Variants in EXTL3 observed in about 807,000 individuals in gnomAD.
EXTL3 encodes exostosin-like 3.
Under a neutral mutation model 69.3 loss-of-function variants are expected in EXTL3, and 27 were observed. That is an observed-to-expected ratio of 0.39 (90% CI 0.29 to 0.54). The LOEUF (loss-of-function observed/expected upper bound fraction) is 0.54, where lower values mean the gene tolerates loss of function less well. EXTL3 is among the 20% of genes least tolerant of loss of function. EXTL3 has a pLI of 0.69. For synonymous variants in EXTL3, 511 were observed against 499.4 expected (o/e 1.02, Z -0.31); for missense variants, 1,003 against 1,231.8 (o/e 0.81, Z 2.78).
chr8:28,716,183 T>G lies in EXTL3; in HGVS notation c.124T>G (p.Phe42Val), dbSNP rs760566359. The G allele has an allele frequency of 7.4e-6, 12 of 1,614,082 alleles. No homozygotes were observed. The highest frequency in any genetic ancestry group is 9.3e-6 in the Non-Finnish European group (11 of 1,180,050). The change falls in exon 3 of 7, where the codon TTC (phenylalanine) becomes GTC (valine). Residue 42 changes from phenylalanine (F) to valine (V), a missense_variant. Physicochemically the swap from Phe to Val is conservative, Grantham distance 50 (BLOSUM62 -1). Around this residue, in one of 2 missense-constraint regions of EXTL3, gnomAD observed 742 missense variants for 815.4 expected, o/e 0.91. Coordinates refer to ENST00000220562, the MANE Select transcript of EXTL3 (RefSeq NM_001440.4). The surrounding 1 kb of genome is among the most constrained non-coding windows in gnomAD (Gnocchi z 7.1). Reference protein sequence around the residue: ...LSFTLFVILVFFPLIAHYYLT... With the variant: ...LSFTLFVILVVFPLIAHYYLT... ...CTTCACGCTCTTTGTCATCCTGGTC[T>G]TCTTCCCGCTCATCGCCCACTATTA...
chr8:28,695,385 C>A (rs1800670895), intron 1 of EXTL3, among the ~76,000 whole-genome samples: 1 of 152,110 alleles, frequency 6.6e-6, no homozygotes, highest in African/African-American at 2.4e-5. Context: ...CCTCGGCCTC[C>A]TAAAGTGCTG....
chr8:28,732,932 A>G (rs896958721), intron 4 of EXTL3, among the ~76,000 whole-genome samples: 7 of 152,094 alleles, frequency 4.6e-5, no homozygotes, highest in Admixed American at 1.3e-4. Flanking sequence ...GGGTTTCACC[A>G]TGTTGCCCAG....
In EXTL3 at chr8:28,717,158, A is replaced by G; in HGVS notation, c.1099A>G (p.Met367Val). ...GGAGGCCCGCTCCTTCGAAGAGGAA[A>G]TGGAGGGCGACCCTCCCGCCGACTA... ...LQEARSFEEEMEGDPPADYDD... is the reference protein window; with the variant it reads ...LQEARSFEEEVEGDPPADYDD... The change falls in exon 3 of 7, where the codon ATG becomes GTG. Residue 367 changes from methionine (M) to valine (V), a missense_variant. By Grantham distance (21) the Met-to-Val change is conservative. This residue lies in a region of EXTL3 where 742 missense variants were observed against 815.4 expected (regional missense o/e 0.91). Coordinates refer to ENST00000220562, the MANE Select transcript of EXTL3 (RefSeq NM_001440.4). The surrounding 1 kb of genome is among the most constrained non-coding windows in gnomAD (Gnocchi z 8.3). 11 of 1,614,240 alleles carry G rather than the reference A, an allele frequency of 6.8e-6. No homozygotes were observed. Among genetic ancestry groups the G allele is most frequent in the Non-Finnish European group, 9.3e-6 (11 of 1,180,052 alleles).
At chr8:28,646,008 G>A (rs1375658360) in intron 1 of EXTL3, among the ~76,000 whole-genome samples, 2 of 151,606 alleles carry the variant, frequency 1.3e-5, no homozygotes, top group Non-Finnish European at 2.9e-5. Flanking sequence ...GACCACAGGC[G>A]TGCGCCACCA....
chr8:28,732,142 T>C (rs1487657614), intron 4 of EXTL3, among the ~76,000 whole-genome samples: 1 of 152,114 alleles, frequency 6.6e-6, no homozygotes, highest in Admixed American at 6.6e-5. Context: ...CTCTCCTGCC[T>C]TCTTGAGTCT....
At chr8:28,688,060 C>CTTTTTTTT (rs149041444) in intron 1 of EXTL3, among the ~76,000 whole-genome samples, 1 of 131,946 alleles carries the variant, frequency 7.6e-6, no homozygotes. Flanking sequence ...GAAGAGATGA[C>CTTTTTTTT]TTTTTTTTTT....
At chr8:28,668,324 CT>C (rs71549687) in intron 1 of EXTL3, among the ~76,000 whole-genome samples, 1,603 of 82,540 alleles carry the variant, frequency 0.019, 1 homozygote, top group South Asian at 0.04. Flanking sequence ...AGAGTTGTTA[CT>C]TTTTTTTTTT....
At chr8:28,708,221 A>T (rs1244288358) in intron 1 of EXTL3, among the ~76,000 whole-genome samples, 1 of 152,180 alleles carries the variant, frequency 6.6e-6, no homozygotes, top group African/African-American at 2.4e-5. Flanking sequence ...AGGCACAACC[A>T]GTTTTTCACA....
intron 6 of EXTL3, among the ~76,000 whole-genome samples, chr8:28,743,687 C>T (rs1801825252): frequency 6.6e-6 from 1 of 152,160 alleles, no homozygotes. Context: ...TGATTTAATA[C>T]ATTAAGAAAA....
At chr8:28,756,252 C>A (rs952509443), downstream of EXTL3, among the ~76,000 whole-genome samples, 1 of 152,190 alleles carries the variant, frequency 6.6e-6, no homozygotes. Flanking sequence ...CCTAGTCAGT[C>A]CCCACGTCCT....
chr8:28,740,127 A>G (rs1215570783), intron 5 of EXTL3: 2 of 152,202 alleles, frequency 1.3e-5, no homozygotes, highest in Non-Finnish European at 2.9e-5. Flanking sequence ...TAAAAATCAC[A>G]AGATTTCACA....
chr8:28,671,313 T>TTG (rs1807288512), intron 1 of EXTL3, among the ~76,000 whole-genome samples: 1 of 143,630 alleles, frequency 7.0e-6, no homozygotes, highest in African/African-American at 2.6e-5. Context: ...TTTTTTGTTT[T>TTG]TTTTTTTTTT....
intron 1 of EXTL3, among the ~76,000 whole-genome samples, chr8:28,691,079 A>G (rs561414176): frequency 6.6e-6 from 1 of 152,158 alleles, no homozygotes; most frequent in Non-Finnish European, 1.5e-5. Context: ...GGTTTAATAG[A>G]CCAGTAAAAT....
intron 4 of EXTL3, among the ~76,000 whole-genome samples, chr8:28,733,221 G>T (rs897010921): frequency 6.6e-6 from 1 of 152,112 alleles, no homozygotes; most frequent in African/African-American, 2.4e-5. Context: ...AGCCGGTCAG[G>T]CTGTTTTTCA....
chr8:28,650,165 C>T (rs1806894978), intron 1 of EXTL3, among the ~76,000 whole-genome samples: 3 of 143,884 alleles, frequency 2.1e-5, no homozygotes, highest in South Asian at 4.4e-4. Flanking sequence ...CACTGCACTC[C>T]AGCCGGGGTG....
intron 3 of EXTL3, among the ~76,000 whole-genome samples, chr8:28,727,969 CTG>C (rs1186105993): frequency 6.6e-6 from 1 of 152,206 alleles, no homozygotes; most frequent in Non-Finnish European, 1.5e-5. Context: ...ACCCACAAAA[CTG>C]ATAATCTACA....
At chr8:28,620,289 G>A (rs1245458151), upstream of EXTL3, among the ~76,000 whole-genome samples, 1 of 152,140 alleles carries the variant, frequency 6.6e-6, no homozygotes, top group Non-Finnish European at 1.5e-5. Context: ...GGCAGGGCCA[G>A]TGCTTCCTAA....
chr8:28,610,994 C>T (rs142543884), intron 2 of EXTL3, among the ~76,000 whole-genome samples: 3,590 of 152,260 alleles, frequency 0.024, 138 homozygotes, highest in African/African-American at 0.081. Flanking sequence ...CCATCCACCT[C>T]GGCCTCCCAA....
At chr8:28,721,444 G>A (rs1032176799) in intron 3 of EXTL3, among the ~76,000 whole-genome samples, 1 of 152,188 alleles carries the variant, frequency 6.6e-6, no homozygotes, top group Non-Finnish European at 1.5e-5. Context: ...CATGGGTTTT[G>A]TATGAGAGTT....
Sources: allele counts gnomAD v4.1 joint callset (sites outside exome capture counted in the v4.1 genomes callset), GRCh38; gene constraint gnomAD v4.1.1; regional missense constraint gnomAD v4.1.1; non-coding constraint Gnocchi (gnomAD v3.1); transcripts MANE v1.5; gene names NCBI Gene and HGNC (gene_info 2026-07-23, HGNC 2026-07-21).